The following ERG variants were observed in gnomAD, a reference collection of about 807,000 sequenced individuals.
ERG encodes ETS transcription factor ERG, also known as transcriptional regulator ERG.
In ERG, 9 loss-of-function variants were observed where a neutral mutation model predicts 55.3. The observed-to-expected ratio is 0.16, with a 90% CI of 0.10 to 0.28. The LOEUF (loss-of-function observed/expected upper bound fraction) is 0.28, where lower values mean the gene tolerates loss of function less well. Among genes scored for constraint, ERG ranks in the 10% least tolerant of loss-of-function variants. The probability of loss-of-function intolerance (pLI) is 1.00; values close to 1 mark genes in which losing one functional copy is unlikely to be tolerated. For synonymous variants in ERG, 223 were observed against 237.3 expected (o/e 0.94, Z 0.55); for missense variants, 434 against 631.6 (o/e 0.69, Z 3.35).
chr21:38,373,121 C>T, the ERG span, among the ~76,000 whole-genome samples: 1 of 152,152 alleles, frequency 6.6e-6, no homozygotes, highest in African/African-American at 2.4e-5. Flanking sequence ...GGGCTAGAAT[C>T]TGCATAACCA....
At chr21:38,429,197 T>C (rs1989988028) in intron 2 of ERG, among the ~76,000 whole-genome samples, 1 of 152,118 alleles carries the variant, frequency 6.6e-6, no homozygotes, top group African/African-American at 2.4e-5. Context: ...CCATCCAAGT[T>C]GCTGCAAATG....
rs917122743 is a variant in ERG at position 38,460,884 on chromosome 21, C to T, written c.19-15263G>A. Among the ~76,000 whole-genome samples the T allele has an allele frequency of 1.1e-4, 16 of 152,172 alleles. No homozygotes were observed. The highest frequency in any genetic ancestry group is 3.9e-4 in the African/African-American group (16 of 41,444). On this transcript the variant is annotated intron_variant, in intron 1 of 9. Coordinates refer to ENST00000288319, the MANE Select transcript of ERG (RefSeq NM_182918.4). This position sits in a 1 kb window ranked among gnomAD's most constrained non-coding sequence, Gnocchi z 5.0. ...ACTTCCTTTCTGCTTAGGAAGGAGA[C>T]GTTTGGAAAAACTGTTCACTGCTGT...
At chr21:38,557,709 C>T (rs1194318188) in intron 2 of ERG, among the ~76,000 whole-genome samples, 1 of 152,100 alleles carries the variant, frequency 6.6e-6, no homozygotes, top group East Asian at 1.9e-4. Flanking sequence ...AAAATCCTAA[C>T]CACATGGGGA....
At position 38,480,632 on chromosome 21, in the gene ERG, C is replaced by A. The variant is rs942006663; in HGVS notation, c.18+17731G>T. Among the ~76,000 whole-genome samples the A allele has an allele frequency of 1.4e-4, 13 of 94,530 alleles. No individual in the cohort carries two copies. The Admixed American group carries it at 2.2e-3, about 16-fold the overall frequency. The allele number at this position is 94,530 out of a possible 152,430, so 62.0% of individuals were successfully genotyped here. A position where few individuals can be genotyped will look rare whatever the true frequency, so the allele number is the denominator to read the frequency against. Reference sequence around the variant, plus strand: ...TTTTTTTTGCCTTATAGAGTTAGGTCAATTTCCAAAAGTGCTGGAGTTTAT... The same window carrying A: ...TTTTTTTTGCCTTATAGAGTTAGGTAAATTTCCAAAAGTGCTGGAGTTTAT... On this transcript the variant is annotated intron_variant, in intron 1 of 9. Transcript: ENST00000288319.
intron 1 of ERG, among the ~76,000 whole-genome samples, chr21:38,641,081 T>C (rs2060421912): frequency 6.6e-6 from 1 of 152,160 alleles, no homozygotes; most frequent in South Asian, 2.1e-4. Flanking sequence ...AGAAAAGGCA[T>C]AAAATCCAGT....
chr21:38,551,200 T>C (rs1423036410), intron 2 of ERG, among the ~76,000 whole-genome samples: 1 of 152,058 alleles, frequency 6.6e-6, no homozygotes, highest in Non-Finnish European at 1.5e-5. Context: ...ATGTCCCCTT[T>C]GTCATTTCTG....
At chr21:38,584,655 G>A (rs2060051370) in intron 1 of ERG, among the ~76,000 whole-genome samples, 1 of 152,188 alleles carries the variant, frequency 6.6e-6, no homozygotes, top group African/African-American at 2.4e-5. Context: ...TCTTATCTCA[G>A]GGAAGTCAAG....
Position 38,533,723 on chromosome 21 carries a change from CAA to C in ERG, c.-41+41937_-41+41938del, listed in dbSNP as rs556572823. ...CATTAAAACCAACACTTAGGCTACA[CAA>C]AAGTCTTCATATCATGCCGCAAAGG... On this transcript the variant is annotated intron_variant, in intron 2 of 8. Coordinates refer to the ERG transcript ENST00000398897. Among the ~76,000 whole-genome samples, 31 of 152,284 alleles carry C rather than the reference CAA, an allele frequency of 2.0e-4. 1 individual carries two copies. The highest frequency in any genetic ancestry group is 6.3e-4 in the African/African-American group (26 of 41,552).
At chr21:38,558,892 A>G (rs1208348303) in intron 2 of ERG, among the ~76,000 whole-genome samples, 3 of 152,228 alleles carry the variant, frequency 2.0e-5, no homozygotes, top group Non-Finnish European at 2.9e-5. Flanking sequence ...GAAATACACA[A>G]TGTCTTTCAT....
Position 38,534,954 on chromosome 21 carries a change from T to A in ERG, c.-41+40708A>T, listed in dbSNP as rs570686013. Among the ~76,000 whole-genome samples, 31 of 152,302 alleles carry A rather than the reference T, an allele frequency of 2.0e-4. 1 individual carries two copies. The highest frequency in any genetic ancestry group is 6.3e-4 in the African/African-American group (26 of 41,556). The stretch of plus-strand genomic sequence containing the variant: ...TTTTTTTAAATTAAAGTGGTTTTTT[T>A]AATCGTTTTATTTTAAAGTTCCGAG... On this transcript the variant is annotated intron_variant, in intron 2 of 8. Transcript: ENST00000398897.
chr21:38,655,876 C>T (rs2060515945), intron 1 of ERG, among the ~76,000 whole-genome samples: 1 of 152,190 alleles, frequency 6.6e-6, no homozygotes, highest in African/African-American at 2.4e-5. Flanking sequence ...GCTCTGCCCC[C>T]TCAAATTATT....
chr21:38,592,478 G>T (rs60212067), intron 1 of ERG, among the ~76,000 whole-genome samples: 2,553 of 152,256 alleles, frequency 0.017, 79 homozygotes, highest in African/African-American at 0.058. Context: ...TGGCAGGCTT[G>T]AGTGCTCTTC....
intron 1 of ERG, among the ~76,000 whole-genome samples, chr21:38,491,462 G>C (rs2146676743): frequency 6.6e-6 from 1 of 152,340 alleles, no homozygotes; most frequent in East Asian, 1.9e-4. Context: ...AAATGCAAGA[G>C]TGCGGGATCT....
intron 1 of ERG, among the ~76,000 whole-genome samples, chr21:38,466,377 A>G (rs756188308): frequency 6.6e-5 from 10 of 151,080 alleles, no homozygotes; most frequent in Non-Finnish European, 1.0e-4. Flanking sequence ...TGATTTATAT[A>G]TATATAAATC....
rs559060781 is a variant in ERG, at chr21:38,600,327, T to C, written c.-149-15382A>G. Among the ~76,000 whole-genome samples the C allele has an allele frequency of 1.1e-4, 17 of 152,216 alleles. No individual in the cohort carries two copies. In the East Asian group the frequency reaches 3.3e-3, roughly 29 times the overall value. ...CCTGCAGGCCAGTAGCTGGGAGAAATGTCCAGCTCTACGTAGATTTCTGTA... is the reference window on the plus strand; with the variant it reads ...CCTGCAGGCCAGTAGCTGGGAGAAACGTCCAGCTCTACGTAGATTTCTGTA... On this transcript the variant is annotated intron_variant, in intron 1 of 10. Transcript: ENST00000398910.
In ERG at chr21:38,380,108, G is replaced by A. The variant is rs1163828468; in HGVS notation, c.*3295C>T. 9.7e-7 allele frequency: 1 copy of A among 1,026,456 alleles called. No individual in the cohort carries two copies. Among genetic ancestry groups the A allele is most frequent in the Admixed American group, 5.8e-5 (1 of 17,302 alleles). 63.6% of individuals were successfully genotyped at this position (1,026,456 alleles called of 1,614,324 possible). A position where few individuals can be genotyped will look rare whatever the true frequency, so the allele number is the denominator to read the frequency against. ...CGACTTTATTTGAATGAATTAATGA[G>A]AAGCTAAATAAACTAGCTTTTTAAA... On this transcript the variant is annotated 3_prime_UTR_variant, in exon 10 of 10. Coordinates refer to ENST00000288319, the MANE Select transcript of ERG (RefSeq NM_182918.4).
upstream of ERG, among the ~76,000 whole-genome samples, chr21:38,498,968 C>A (rs930518649): frequency 2.0e-5 from 3 of 152,194 alleles, no homozygotes; most frequent in Admixed American, 6.5e-5. This position sits in a 1 kb window ranked among gnomAD's most constrained non-coding sequence, Gnocchi z 4.6. Context: ...CAGCCATTGC[C>A]TGGCTGATTT....
intron 2 of ERG, among the ~76,000 whole-genome samples, chr21:38,429,544 T>G (rs546521943): frequency 4.1e-5 from 2 of 49,050 alleles, no homozygotes; most frequent in East Asian, 2.0e-3. Flanking sequence ...CATATATACA[T>G]ATGTGTATAT....
chr21:38,583,872 GACA>G (rs2060045530), intron 1 of ERG, among the ~76,000 whole-genome samples: 1 of 152,188 alleles, frequency 6.6e-6, no homozygotes, highest in African/African-American at 2.4e-5. Flanking sequence ...CTTGATCTTG[GACA>G]TCCAGCCTCC....
Sources: allele counts gnomAD v4.1 joint callset (sites outside exome capture counted in the v4.1 genomes callset), GRCh38; gene constraint gnomAD v4.1.1; non-coding constraint Gnocchi (gnomAD v3.1); transcripts MANE v1.5; gene names NCBI Gene and HGNC (gene_info 2026-07-23, HGNC 2026-07-21).